The following FOXP2 variants were observed in gnomAD, a reference collection of about 807,000 sequenced individuals.
FOXP2 encodes the protein forkhead box protein P2.
Under a neutral mutation model 115.8 loss-of-function variants are expected in FOXP2, and 12 were observed. The ratio of observed to expected loss-of-function variants is 0.10; its 90% CI spans 0.07 to 0.17. FOXP2 has a LOEUF of 0.17. FOXP2 is among the 10% of genes least tolerant of loss of function. The pLI, the probability that FOXP2 is intolerant of heterozygous loss-of-function variation, is 1.00. For synonymous variants in FOXP2, 328 were observed against 297.7 expected (o/e 1.10, Z -1.05); for missense variants, 629 against 843.5 (o/e 0.75, Z 3.15).
At chr7:114,605,176 A>G (rs1803245973) in intron 3 of FOXP2, among the ~76,000 whole-genome samples, 2 of 152,258 alleles carry the variant, frequency 1.3e-5, no homozygotes, top group South Asian at 4.1e-4. Flanking sequence ...GGAAACTCAC[A>G]TTTACATGTT....
intron 2 of FOXP2, among the ~76,000 whole-genome samples, chr7:114,467,793 T>C (rs1795876004): frequency 6.6e-6 from 1 of 152,206 alleles, no homozygotes; most frequent in African/African-American, 2.4e-5. Flanking sequence ...TTGAAAAGCA[T>C]TAACAGTAAG....
intron 11 of FOXP2, 74 bp from the exon 12 acceptor site, chr7:114,659,282 G>A (rs1230516553): frequency 9.2e-7 from 1 of 1,090,506 alleles, no homozygotes; most frequent in Non-Finnish European, 1.4e-6. Context: ...ACCAATACTA[G>A]AGGAAATATG....
chr7:114,173,964 T>C lies in FOXP2; in HGVS notation c.-102+10876T>C, dbSNP rs1397255632. Among the ~76,000 whole-genome samples the C allele has an allele frequency of 3.9e-5, 6 of 152,062 alleles. No homozygotes were observed. In the East Asian group the frequency reaches 9.6e-4, roughly 24 times the overall value. ...TTGCTCTGCCAGTTAGAATTTATATTGATTTTTGGTAAGTTTTGCATGTGA... is the reference window on the plus strand; with the variant it reads ...TTGCTCTGCCAGTTAGAATTTATATCGATTTTTGGTAAGTTTTGCATGTGA... On this transcript the variant is annotated intron_variant, in intron 1 of 17. Coordinates refer to the FOXP2 transcript ENST00000634411.
At chr7:114,493,881 G>C (rs1275978192) in intron 2 of FOXP2, among the ~76,000 whole-genome samples, 1 of 151,048 alleles carries the variant, frequency 6.6e-6, no homozygotes, top group Non-Finnish European at 1.5e-5. Context: ...TGTAAAAGTA[G>C]TCTTTTCTGA....
intron 2 of FOXP2, among the ~76,000 whole-genome samples, chr7:114,442,059 G>A (rs1372924253): frequency 6.6e-6 from 1 of 152,130 alleles, no homozygotes; most frequent in Non-Finnish European, 1.5e-5. Flanking sequence ...AGGATATATA[G>A]CAGCATTACT....
intron 1 of FOXP2, among the ~76,000 whole-genome samples, chr7:114,202,082 A>C (rs1335457286): frequency 6.6e-6 from 1 of 152,220 alleles, no homozygotes; most frequent in Non-Finnish European, 1.5e-5. Context: ...CTCAGAAACC[A>C]TCCAGAGGGA....
At position 114,146,617 on chromosome 7, in the gene FOXP2, T is replaced by C. The variant is rs978655825; in HGVS notation, c.-246-16327T>C. Among the ~76,000 whole-genome samples the C allele has an allele frequency of 3.3e-5, 5 of 152,228 alleles. No homozygotes were observed. The East Asian group carries it at 9.6e-4, about 29-fold the overall frequency. On this transcript the variant is annotated intron_variant, in intron 1 of 19. Coordinates refer to the FOXP2 transcript ENST00000635638. ...TTTTCACACCTTTTAAGATGAAATT[T>C]TGACAGCATCTTTAGAATGTATTTG...
intron 1 of FOXP2, among the ~76,000 whole-genome samples, chr7:114,204,978 T>G (rs1291473816): frequency 6.6e-6 from 1 of 151,998 alleles, no homozygotes; most frequent in Non-Finnish European, 1.5e-5. Flanking sequence ...GATCAGAATT[T>G]TATTGCCTTT....
At chr7:114,631,757 A>G (rs938552024) in intron 6 of FOXP2, 52 bp downstream of exon 6, 1 of 1,584,684 alleles carries the variant, frequency 6.3e-7, no homozygotes, top group Non-Finnish European at 8.7e-7. Context: ...ACTTTCTACC[A>G]TTTCATGGCC....
At chr7:114,626,201 A>G (rs1171478218) in intron 3 of FOXP2, among the ~76,000 whole-genome samples, 1 of 151,826 alleles carries the variant, frequency 6.6e-6, no homozygotes, top group Non-Finnish European at 1.5e-5. Context: ...TGTGTAGTGT[A>G]AGGACTAGTA....
intron 2 of FOXP2, among the ~76,000 whole-genome samples, chr7:114,530,067 A>G (rs1038018099): frequency 4.6e-5 from 7 of 151,028 alleles, no homozygotes; most frequent in African/African-American, 1.7e-4. Flanking sequence ...CCTGCTGGCA[A>G]TTTTTTTTTG....
At chr7:114,092,005 G>A (rs887091960) in intron 1 of FOXP2, among the ~76,000 whole-genome samples, 14 of 151,926 alleles carry the variant, frequency 9.2e-5, no homozygotes, top group African/African-American at 3.1e-4. Flanking sequence ...AGTATAATAT[G>A]TTATACAGAA....
At chr7:114,547,976 C>G (rs887703122) in intron 3 of FOXP2, among the ~76,000 whole-genome samples, 2 of 152,090 alleles carry the variant, frequency 1.3e-5, no homozygotes, top group African/African-American at 4.8e-5. Flanking sequence ...TAGATTTTAT[C>G]TTTGTCACGA....
chr7:114,110,162 G>A (rs574773499), intron 1 of FOXP2, among the ~76,000 whole-genome samples: 2 of 152,210 alleles, frequency 1.3e-5, no homozygotes, highest in African/African-American at 4.8e-5. Flanking sequence ...ATCATTATGT[G>A]TGCTAGCCCT....
chr7:114,089,571 A>T (rs544156960), intron 1 of FOXP2, among the ~76,000 whole-genome samples: 1 of 152,138 alleles, frequency 6.6e-6, no homozygotes, highest in East Asian at 1.9e-4. Context: ...TATGATATGA[A>T]GAGATTTATG....
At chr7:114,512,891 G>T (rs184736608) in intron 2 of FOXP2, among the ~76,000 whole-genome samples, 1 of 152,168 alleles carries the variant, frequency 6.6e-6, no homozygotes. Context: ...ATACCATCCT[G>T]GCAAACATGG....
rs895017794 is a variant in FOXP2 at position 114,658,081 on chromosome 7, A to G, written c.1282A>G (p.Ser428Gly). The G allele has an allele frequency of 4.3e-6, 7 of 1,613,532 alleles. No individual in the cohort carries two copies. The African/African-American group carries it at 9.4e-5, about 22-fold the overall frequency. Residue 428 changes from serine (S) to glycine (G), a missense_variant, in exon 11 of 17, where the codon AGT (serine) becomes GGT (glycine). This residue lies in a region of FOXP2 where 101 missense variants were observed against 116.0 expected (regional missense o/e 0.87). Coordinates refer to ENST00000350908, the MANE Select transcript of FOXP2 (RefSeq NM_014491.4). ...PSPKPLNLVS[S>G]VTMSKNMLET... Reference sequence around the variant, plus strand: ...GCCTTTGCAGCTAAATCTGGTGTCTAGTGTCACCATGTCGAAGAATATGTT... The same window carrying G: ...GCCTTTGCAGCTAAATCTGGTGTCTGGTGTCACCATGTCGAAGAATATGTT...
intron 2 of FOXP2, among the ~76,000 whole-genome samples, chr7:114,313,512 G>A (rs1272318918): frequency 3.7e-5 from 2 of 53,994 alleles, no homozygotes; most frequent in Non-Finnish European, 6.5e-5. Context: ...TTGGGAGGCC[G>A]AGGCGGGCGG....
chr7:114,479,448 C>T (rs1257470252), intron 2 of FOXP2, among the ~76,000 whole-genome samples: 2 of 150,946 alleles, frequency 1.3e-5, no homozygotes, highest in African/African-American at 4.9e-5. Context: ...CAACTACACA[C>T]TATTCTGAAC....
Sources: allele counts gnomAD v4.1 joint callset (sites outside exome capture counted in the v4.1 genomes callset), GRCh38; gene constraint gnomAD v4.1.1; regional missense constraint gnomAD v4.1.1; transcripts MANE v1.5; gene names NCBI Gene and HGNC (gene_info 2026-07-23, HGNC 2026-07-21).